SLC24A2: variants seen among roughly 807,000 people sequenced by gnomAD.
SLC24A2 encodes the protein solute carrier family 24 member 2.
Under a neutral mutation model 62.0 loss-of-function variants are expected in SLC24A2, and 36 were observed. The observed-to-expected ratio is 0.58, with a 90% CI of 0.44 to 0.77. SLC24A2 has a LOEUF of 0.77. SLC24A2 is among the 30% of genes least tolerant of loss of function. The pLI is 0.00. For synonymous variants in SLC24A2, 358 were observed against 294.0 expected, an observed-to-expected ratio of 1.22 and a Z score of -2.23; for missense variants, 846 against 817.9, an observed-to-expected ratio of 1.03 and a Z score of -0.42.
chr9:19,957,028 G>A, the SLC24A2 span, among the ~76,000 whole-genome samples: 19 of 152,186 alleles, frequency 1.2e-4, no homozygotes, highest in Admixed American at 1.2e-3. Flanking sequence ...AAGCCATCCA[G>A]TCTACGGTAT....
chr9:20,285,565 C>T, the SLC24A2 span, among the ~76,000 whole-genome samples: 5 of 152,146 alleles, frequency 3.3e-5, no homozygotes, highest in Admixed American at 6.5e-5. Flanking sequence ...AGGCCTTTAA[C>T]TCATAGGATG....
chr9:19,678,827 T>C (rs187553803), intron 2 of SLC24A2, among the ~76,000 whole-genome samples: 2 of 152,356 alleles, frequency 1.3e-5, no homozygotes, highest in Admixed American at 1.3e-4. Context: ...CTTCTCATTG[T>C]TCACAGAATT....
intron 1 of SLC24A2, 119 bp downstream of exon 1, chr9:19,788,766 A>C (rs1005400200): frequency 2.0e-6 from 2 of 985,328 alleles, no homozygotes. Context: ...GGGCGCCCAC[A>C]TCCACGGCAG....
the SLC24A2 span, among the ~76,000 whole-genome samples, chr9:20,011,706 T>G: frequency 6.6e-6 from 1 of 152,012 alleles, no homozygotes; most frequent in Admixed American, 6.5e-5. Context: ...TACAGGAAGC[T>G]CAGAGGTCAC....
At chr9:19,776,189 A>G (rs1398579475) in intron 2 of SLC24A2, among the ~76,000 whole-genome samples, 1 of 152,242 alleles carries the variant, frequency 6.6e-6, no homozygotes, top group Non-Finnish European at 1.5e-5. Context: ...CACAATGTGA[A>G]AAGTGAATCT....
the SLC24A2 span, among the ~76,000 whole-genome samples, chr9:19,799,296 G>A: frequency 6.6e-6 from 1 of 151,930 alleles, no homozygotes; most frequent in African/African-American, 2.4e-5. Flanking sequence ...AAAATACTTT[G>A]CTGAAGTATT....
intron 2 of SLC24A2, among the ~76,000 whole-genome samples, chr9:19,647,861 A>G (rs1192288835): frequency 2.0e-5 from 3 of 152,244 alleles, no homozygotes; most frequent in Non-Finnish European, 4.4e-5. Context: ...AAACAAGGTT[A>G]TAGGGTATCT....
Position 19,611,324 on chromosome 9 carries a change from C to T in SLC24A2, c.1078+8260G>A, listed in dbSNP as rs149375042. ...ATGAGGAGACAGGAAGGAGGGGAGACGAGGGGGCAAAGCAGGGGAGGAAGG... is the reference window on the plus strand; with the variant it reads ...ATGAGGAGACAGGAAGGAGGGGAGATGAGGGGGCAAAGCAGGGGAGGAAGG... On this transcript the variant is annotated intron_variant, in intron 4 of 10. Coordinates refer to ENST00000341998, the MANE Select transcript of SLC24A2 (RefSeq NM_020344.4). Among the ~76,000 whole-genome samples, 18 of 136,082 alleles carry T rather than the reference C, an allele frequency of 1.3e-4. 1 individual carries two copies. The highest frequency in any genetic ancestry group is 3.3e-4 in the African/African-American group (12 of 35,988). 89.3% of individuals were successfully genotyped at this position (136,082 alleles called of 152,430 possible). A position where few individuals can be genotyped will look rare whatever the true frequency, so the allele number is the denominator to read the frequency against.
the SLC24A2 span, among the ~76,000 whole-genome samples, chr9:20,256,881 G>T: frequency 6.6e-6 from 1 of 150,406 alleles, no homozygotes; most frequent in Non-Finnish European, 1.5e-5. Context: ...AGAAAGAAAG[G>T]AAACCAAAAA....
intron 7 of SLC24A2, among the ~76,000 whole-genome samples, chr9:19,564,455 G>A (rs1014852587): frequency 1.3e-5 from 2 of 152,170 alleles, no homozygotes; most frequent in African/African-American, 4.8e-5. Flanking sequence ...GGTAATATTT[G>A]AATTGTAAAG....
At chr9:19,846,432 A>G in the SLC24A2 span, among the ~76,000 whole-genome samples, 3 of 152,056 alleles carry the variant, frequency 2.0e-5, no homozygotes, top group Non-Finnish European at 4.4e-5. Flanking sequence ...TTCGTTTTCC[A>G]TTTGCAAGAT....
intron 7 of SLC24A2, among the ~76,000 whole-genome samples, chr9:19,560,746 A>C (rs1360090246): frequency 4.6e-5 from 7 of 152,094 alleles, no homozygotes; most frequent in Admixed American, 2.6e-4. Flanking sequence ...TTTTGAATAG[A>C]TCTTTTTGCT....
intron 5 of SLC24A2, among the ~76,000 whole-genome samples, chr9:19,590,174 TTC>T (rs1563985168): frequency 7.6e-6 from 1 of 131,442 alleles, no homozygotes; most frequent in African/African-American, 2.9e-5. Flanking sequence ...AACAACTAAC[TTC>T]TAAAACATTT....
intron 2 of SLC24A2, among the ~76,000 whole-genome samples, chr9:19,661,717 T>C (rs1156686306): frequency 6.6e-6 from 1 of 152,110 alleles, no homozygotes; most frequent in African/African-American, 2.4e-5. Context: ...GGATTTTGGT[T>C]TTCTCAAAGG....
the SLC24A2 span, among the ~76,000 whole-genome samples, chr9:20,041,759 C>G: frequency 6.6e-6 from 1 of 152,236 alleles, no homozygotes; most frequent in Admixed American, 6.5e-5. Context: ...GGTATCTGGC[C>G]AAATGGCTAA....
intron 9 of SLC24A2, among the ~76,000 whole-genome samples, chr9:19,522,273 C>T (rs904389345): frequency 6.6e-6 from 1 of 152,146 alleles, no homozygotes; most frequent in Non-Finnish European, 1.5e-5. Context: ...TCTGGGATTA[C>T]AGGTGTGAGC....
At chr9:20,223,441 A>C in the SLC24A2 span, among the ~76,000 whole-genome samples, 1 of 152,194 alleles carries the variant, frequency 6.6e-6, no homozygotes, top group Non-Finnish European at 1.5e-5. Context: ...CCTGGTCAAC[A>C]CAGCAACAAC....
chr9:19,604,576 A>G (rs1836932270), intron 4 of SLC24A2, among the ~76,000 whole-genome samples: 2 of 152,200 alleles, frequency 1.3e-5, no homozygotes, highest in Non-Finnish European at 2.9e-5. Flanking sequence ...CTGGTGCATG[A>G]AAGCATCCAA....
chr9:19,751,058 A>T (rs1384246035), intron 2 of SLC24A2, among the ~76,000 whole-genome samples: 1 of 152,166 alleles, frequency 6.6e-6, no homozygotes, highest in East Asian at 1.9e-4. Flanking sequence ...TTTTATGCTG[A>T]CTGTGTTCGG....
Sources: gnomAD v4.1 joint callset for allele counts (sites outside exome capture counted in the v4.1 genomes callset) on GRCh38, gnomAD v4.1.1 for gene constraint, MANE v1.5 for transcripts, NCBI Gene and HGNC (gene_info 2026-07-23, HGNC 2026-07-21) for gene names.